The following ZDHHC19 variants were observed in gnomAD, a reference collection of about 807,000 sequenced individuals.
ZDHHC19 encodes the protein palmitoyltransferase ZDHHC19.
Under a neutral mutation model 33.9 loss-of-function variants are expected in ZDHHC19, and 30 were observed. That is an observed-to-expected ratio of 0.88 (90% CI 0.66 to 1.20). ZDHHC19 has a LOEUF of 1.20. Ranked by LOEUF, ZDHHC19 falls within the 50% of genes most tolerant of loss-of-function variation. ZDHHC19 has a pLI of 0.00. For synonymous variants in ZDHHC19, 178 were observed against 167.6 expected (o/e 1.06, Z -0.48); for missense variants, 364 against 401.1 (o/e 0.91, Z 0.79).
intron 4 of ZDHHC19, 102 bp from the exon 5 acceptor site, chr3:196,207,605 CT>C (rs1722854422): frequency 6.7e-6 from 2 of 298,836 alleles, no homozygotes; most frequent in Non-Finnish European, 1.1e-5. Flanking sequence ...ACGCCCGCCC[CT>C]CAGGCCCGAC....
Position 196,197,916 on chromosome 3 carries a change from C to T in ZDHHC19, c.*20-191G>A, listed in dbSNP as rs1426847223. Among the ~76,000 whole-genome samples, 11 of 152,058 alleles carry T rather than the reference C, an allele frequency of 7.2e-5. No individual in the cohort carries two copies. Among genetic ancestry groups the T allele is most frequent in the South Asian group, 2.1e-4 (1 of 4,830 alleles). On this transcript the variant is annotated intron_variant, in intron 7 of 7. Coordinates refer to ENST00000296326, the MANE Select transcript of ZDHHC19 (RefSeq NM_001039617.2). This position sits in a 1 kb window ranked among gnomAD's most constrained non-coding sequence, Gnocchi z 4.4. ...TCCACCTCCATGTCTCACGGGGCTT[C>T]GAGTCAATGTTTCCTTTAAATAAAA...
At chr3:196,200,676 G>C (rs1296160274) in intron 5 of ZDHHC19, among the ~76,000 whole-genome samples, 1 of 127,366 alleles carries the variant, frequency 7.9e-6, no homozygotes, top group Admixed American at 8.1e-5. Context: ...TTTTTTAGAC[G>C]CAGTTTTGCT....
At position 196,211,374 on chromosome 3, in the gene ZDHHC19, C is replaced by G; in HGVS notation, c.-59G>C. Reference sequence around the variant, plus strand: ...AGCCACCAGGCTTCCTCCCCCAGCCCAGCTTCCAGAGCTCCATGGCCACGG... The same window carrying G: ...AGCCACCAGGCTTCCTCCCCCAGCCGAGCTTCCAGAGCTCCATGGCCACGG... On this transcript the variant is annotated 5_prime_UTR_variant, in exon 1 of 8. Coordinates refer to ENST00000296326, the MANE Select transcript of ZDHHC19 (RefSeq NM_001039617.2). 6.5e-7 allele frequency: 1 copy of G among 1,541,044 alleles called. No homozygotes were observed. The highest frequency in any genetic ancestry group is 1.3e-5 in the South Asian group (1 of 78,298).
intron 5 of ZDHHC19, among the ~76,000 whole-genome samples, chr3:196,200,945 C>T (rs992484034): frequency 1.3e-5 from 2 of 151,422 alleles, no homozygotes; most frequent in South Asian, 2.1e-4. Context: ...TCACTGTACC[C>T]GGCATTAGGG....
intron 5 of ZDHHC19, chr3:196,202,329 G>GA (rs374440183): frequency 0.05 from 7,234 of 145,864 alleles, 180 homozygotes; most frequent in East Asian, 0.062. Context: ...TCTCAAAAAG[G>GA]AAAAAAAAAA....
Position 196,207,384 on chromosome 3 carries a change from G to A in ZDHHC19, c.687+14C>T, listed in dbSNP as rs765568206. On this transcript the variant is annotated intron_variant, in intron 5 of 7. Transcript: ENST00000296326. The stretch of plus-strand genomic sequence containing the variant: ...TCCCCGAGGTGCAAGCTGACCACCC[G>A]CGGCCCCGCGTACCTTGCCCTTGTA... The A allele has an allele frequency of 3.9e-6, 6 of 1,549,614 alleles. No individual in the cohort carries two copies. The highest frequency in any genetic ancestry group is 2.4e-5 in the South Asian group (2 of 84,016).
chr3:196,199,208 A>T, intron 5 of ZDHHC19: 1 of 312,600 alleles, frequency 3.2e-6, no homozygotes, highest in Non-Finnish European at 6.3e-6. Flanking sequence ...CAATGCGGTA[A>T]AGGCCAAGTC....
chr3:196,200,833 A>G (rs1722281759), intron 5 of ZDHHC19, among the ~76,000 whole-genome samples: 1 of 150,310 alleles, frequency 6.7e-6, no homozygotes, highest in East Asian at 2.0e-4. Context: ...TTTTTTTTGC[A>G]GGAATGGGGT....
intron 3 of ZDHHC19, chr3:196,209,025 A>C: frequency 3.2e-6 from 1 of 309,146 alleles, no homozygotes; most frequent in Admixed American, 4.6e-5. Flanking sequence ...GAGGACAGGC[A>C]AGGCCTCCCA....
In ZDHHC19 at chr3:196,210,667, AGGTAAGGACAAAG is replaced by A; in HGVS notation, c.204_216del (p.Phe69SerfsTer25). On this transcript the variant is annotated frameshift_variant, in exon 2 of 8. Coordinates refer to ENST00000296326, the MANE Select transcript of ZDHHC19 (RefSeq NM_001039617.2). LOFTEE classifies it high-confidence loss of function. The stretch of plus-strand genomic sequence containing the variant: ...AAGTTGAGTGAAACAAGACTGAAGA[AGGTAAGGACAAAG>A]AGGGAGCCTGTGATAACAGGAAAGG... 1 of 1,614,138 alleles carries A rather than the reference AGGTAAGGACAAAG, an allele frequency of 6.2e-7. No individual in the cohort carries two copies. Among genetic ancestry groups the A allele is most frequent in the Non-Finnish European group, 8.5e-7 (1 of 1,180,012 alleles).
chr3:196,198,463 C>T lies in ZDHHC19; in HGVS notation c.774-12G>A. 2 of 1,586,754 alleles carry T rather than the reference C, an allele frequency of 1.3e-6. No individual in the cohort carries two copies. Among genetic ancestry groups the T allele is most frequent in the Non-Finnish European group, 1.7e-6 (2 of 1,166,876 alleles). On this transcript the variant is annotated splice_polypyrimidine_tract_variant and intron_variant, in intron 6 of 7. Transcript: ENST00000296326. ...CTTCAGCCATGTACCTGGGGAGCAG[C>T]AGGCCAGATGCAGGGGCCACCGTCC...
Position 196,203,952 on chromosome 3 carries a change from C to T in ZDHHC19, c.687+3446G>A, listed in dbSNP as rs1031740520. On this transcript the variant is annotated intron_variant, in intron 5 of 7. Coordinates refer to ENST00000296326, the MANE Select transcript of ZDHHC19 (RefSeq NM_001039617.2). The surrounding 1 kb of genome is among the most constrained non-coding windows in gnomAD (Gnocchi z 4.3). ...CAGCTCCTCCCTCATCAATGCTGCC[C>T]ATCAGTTTTCCTAGAACAGCCAGTG... 7.2e-5 allele frequency among the ~76,000 whole-genome samples: 11 copies of T among 152,106 alleles called. No individual in the cohort carries two copies. Among genetic ancestry groups the T allele is most frequent in the Non-Finnish European group, 1.3e-4 (9 of 68,014 alleles).
Position 196,198,408 on chromosome 3 carries a change from C to G in ZDHHC19, c.817G>C (p.Asp273His). 2 of 1,548,278 alleles carry G rather than the reference C, an allele frequency of 1.3e-6. No homozygotes were observed. Among genetic ancestry groups the G allele is most frequent in the East Asian group, 4.5e-5 (2 of 44,214 alleles). Residue 273 changes from aspartate to histidine, a missense_variant, in exon 7 of 8, where the codon GAC (aspartate) becomes CAC (histidine). Asp to His is a moderately conservative substitution (Grantham distance 81, BLOSUM62 -1). Transcript: ENST00000296326. ...TGCAGATTCGGCATGGATGTCCAGT[C>G]AGGCCCCACCACTCTCTGCAGCTGG... The part of the protein sequence containing the change: ...AVQLQRVVGP[D>H]WTSMPNLHPP...
chr3:196,199,213 C>G (rs138686315), intron 5 of ZDHHC19: 1 of 307,602 alleles, frequency 3.3e-6, no homozygotes, highest in East Asian at 8.7e-5. Context: ...CGGTAAAGGC[C>G]AAGTCGTCCC....
chr3:196,200,559 T>G (rs983184201), intron 5 of ZDHHC19, among the ~76,000 whole-genome samples: 1 of 149,602 alleles, frequency 6.7e-6, no homozygotes, highest in East Asian at 1.9e-4. Flanking sequence ...TTTCACCGTG[T>G]TAGCCAGGAT....
intron 5 of ZDHHC19, among the ~76,000 whole-genome samples, chr3:196,201,290 A>T (rs1421392826): frequency 1.3e-4 from 19 of 148,828 alleles, no homozygotes; most frequent in African/African-American, 4.7e-4. Context: ...CCAGTCTCGA[A>T]CTCCTGACCT....
rs2108737476 is a variant in ZDHHC19 at position 196,208,086 on chromosome 3, G to T, written c.581+302C>A. Among the ~76,000 whole-genome samples the T allele has an allele frequency of 2.0e-5, 3 of 151,638 alleles. No homozygotes were observed. The East Asian group carries it at 5.9e-4, about 30-fold the overall frequency. On this transcript the variant is annotated intron_variant, in intron 4 of 7. Coordinates refer to ENST00000296326, the MANE Select transcript of ZDHHC19 (RefSeq NM_001039617.2). ...GCCCGGCTAATTTTTCTATTTTTTTGTAGAGACGGGGTCTATGTTGCCCAG... is the reference window on the plus strand; with the variant it reads ...GCCCGGCTAATTTTTCTATTTTTTTTTAGAGACGGGGTCTATGTTGCCCAG...
chr3:196,202,245 C>G (rs1172517982), intron 5 of ZDHHC19: 1 of 151,826 alleles, frequency 6.6e-6, no homozygotes, highest in African/African-American at 2.4e-5. Flanking sequence ...CACTTGAACC[C>G]AGGAGGTGGA....
chr3:196,200,327 G>GATATATATATATATATATATATATGTAT (rs374551956), intron 5 of ZDHHC19, among the ~76,000 whole-genome samples: 4 of 116,790 alleles, frequency 3.4e-5, no homozygotes, highest in South Asian at 2.5e-4. Context: ...AAAATTTAGG[G>GATATATATATATATATATATATATGTAT]ATATATATAT....
Sources: allele counts gnomAD v4.1 joint callset (sites outside exome capture counted in the v4.1 genomes callset), GRCh38; gene constraint gnomAD v4.1.1; non-coding constraint Gnocchi (gnomAD v3.1); transcripts MANE v1.5; gene names NCBI Gene and HGNC (gene_info 2026-07-23, HGNC 2026-07-21).